TCL1B: variants seen among roughly 807,000 people sequenced by gnomAD.
TCL1B encodes TCL1 family AKT coactivator B, also known as T-cell leukemia/lymphoma protein 1B.
Under a neutral mutation model 16.9 loss-of-function variants are expected in TCL1B, and 14 were observed. The observed-to-expected ratio is 0.83, with a 90% CI of 0.55 to 1.30. The LOEUF is 1.30. TCL1B is among the 50% of genes most tolerant of loss of function. TCL1B has a pLI of 0.00. For synonymous variants in TCL1B, 79 were observed against 66.6 expected (o/e 1.19, Z -0.91); for missense variants, 166 against 165.2 (o/e 1.00, Z -0.03).
chr14:95,691,559 A>C, intron 3 of TCL1B: 1 of 465,318 alleles, frequency 2.1e-6, no homozygotes, highest in Non-Finnish European at 3.9e-6. Context: ...ATCGAATAAG[A>C]CTCATCATTT....
chr14:95,686,780 C>A, intron 1 of TCL1B, 151 bp downstream of exon 1: 1 of 945,290 alleles, frequency 1.1e-6, no homozygotes, highest in Non-Finnish European at 1.5e-6. Flanking sequence ...ATGTCCATGC[C>A]CAGCCCTGGC....
At position 95,692,113 on chromosome 14, in the gene TCL1B, C is replaced by G. The variant is rs1372371146; in HGVS notation, c.*198C>G. On this transcript the variant is annotated 3_prime_UTR_variant, in exon 4 of 4. Coordinates refer to ENST00000340722, the MANE Select transcript of TCL1B (RefSeq NM_004918.4). Reference sequence around the variant, plus strand: ...GTTATCAGTCCTGTCCTGTCCCACTCAGGTCTGTACTTAGGGCAGCTGGCC... The same window carrying G: ...GTTATCAGTCCTGTCCTGTCCCACTGAGGTCTGTACTTAGGGCAGCTGGCC... 1 of 152,374 alleles carries G rather than the reference C, an allele frequency of 6.6e-6. No homozygotes were observed. Among genetic ancestry groups the G allele is most frequent in the East Asian group, 1.9e-4 (1 of 5,198 alleles). 9.4% of individuals were successfully genotyped at this position (152,374 alleles called of 1,614,324 possible). A position where few individuals can be genotyped will look rare whatever the true frequency, so the allele number is the denominator to read the frequency against.
At chr14:95,686,774 C>T (rs1885771261) in intron 1 of TCL1B, 145 bp downstream of exon 1, 1 of 1,004,198 alleles carries the variant, frequency 1.0e-6, no homozygotes, top group African/African-American at 1.6e-5. Context: ...GCAGCAATGT[C>T]CATGCCCAGC....
intron 1 of TCL1B, among the ~76,000 whole-genome samples, chr14:95,687,728 T>G (rs1219760825): frequency 1.3e-5 from 2 of 151,918 alleles, no homozygotes; most frequent in African/African-American, 2.4e-5. Context: ...CGAGATGGGC[T>G]TATCACGAGA....
At chr14:95,689,740 G>A (rs567876254) in intron 1 of TCL1B, among the ~76,000 whole-genome samples, 188 of 152,262 alleles carry the variant, frequency 1.2e-3, no homozygotes, top group South Asian at 2.1e-4. Flanking sequence ...AGATTTTGCC[G>A]TATAATTTAA....
At chr14:95,689,621 G>C (rs72696999) in intron 1 of TCL1B, among the ~76,000 whole-genome samples, 45,839 of 152,186 alleles carry the variant, frequency 0.3, 7,306 homozygotes, top group Non-Finnish European at 0.36. Flanking sequence ...AAAGGAATGA[G>C]GGAAGGAGCC....
intron 1 of TCL1B, among the ~76,000 whole-genome samples, chr14:95,687,988 A>T (rs2139703709): frequency 6.8e-6 from 1 of 148,092 alleles, no homozygotes; most frequent in East Asian, 2.0e-4. Flanking sequence ...AGGTCTTCGT[A>T]AACAATTCAC....
At chr14:95,687,796 CA>C (rs1483311145) in intron 1 of TCL1B, among the ~76,000 whole-genome samples, 1 of 151,766 alleles carries the variant, frequency 6.6e-6, no homozygotes, top group East Asian at 2.0e-4. Flanking sequence ...ACTAAAAATA[CA>C]AAAAATTAGC....
chr14:95,687,317 G>A (rs1374801039), intron 1 of TCL1B, among the ~76,000 whole-genome samples: 1 of 152,166 alleles, frequency 6.6e-6, no homozygotes, highest in Non-Finnish European at 1.5e-5. Context: ...AGTCTTTGAG[G>A]GATGAAGTAA....
chr14:95,691,203 C>T (rs1046580527), intron 2 of TCL1B, 65 bp from the exon 3 acceptor site: 74 of 1,560,596 alleles, frequency 4.7e-5, no homozygotes, highest in Admixed American at 4.1e-4. Context: ...CCTGCATGGG[C>T]GGCCGTTAAG....
chr14:95,689,712 G>A (rs1407638489), intron 1 of TCL1B, among the ~76,000 whole-genome samples: 2 of 152,210 alleles, frequency 1.3e-5, no homozygotes, highest in Non-Finnish European at 2.9e-5. Flanking sequence ...TCTACAGTCA[G>A]AATACACAGA....
Position 95,692,536 on chromosome 14 carries a change from T to G in TCL1B, c.*621T>G, listed in dbSNP as rs1885908774. ...TGGAGGGATGGGTTTGGCCTGTGCT[T>G]CTGCTTATTCAGTCCTTCAGCTCAC... On this transcript the variant is annotated 3_prime_UTR_variant, in exon 4 of 4. Transcript: ENST00000340722. 6.6e-6 allele frequency: 1 copy of G among 152,282 alleles called. No homozygotes were observed. The highest frequency in any genetic ancestry group is 2.4e-5 in the African/African-American group (1 of 41,446). 9.4% of individuals were successfully genotyped at this position (152,282 alleles called of 1,614,324 possible). A position where few individuals can be genotyped will look rare whatever the true frequency, so the allele number is the denominator to read the frequency against.
Position 95,692,566 on chromosome 14 carries a change from G to A in TCL1B, c.*651G>A, listed in dbSNP as rs1167029193. On this transcript the variant is annotated 3_prime_UTR_variant, in exon 4 of 4. Transcript: ENST00000340722. ...TTATTCAGTCCTTCAGCTCACGGAA[G>A]GGATGCTAGTCCGTGAAGGTGACCT... is the stretch of plus-strand genomic sequence containing the variant. 6.6e-6 allele frequency: 1 copy of A among 152,302 alleles called. No individual in the cohort carries two copies. Among genetic ancestry groups the A allele is most frequent in the Non-Finnish European group, 1.5e-5 (1 of 68,102 alleles). The allele number at this position is 152,302 out of a possible 1,614,324, so 9.4% of individuals were successfully genotyped here.
At position 95,686,572 on chromosome 14, in the gene TCL1B, G is replaced by A; in HGVS notation, c.105G>A (p.Val35=). The A allele has an allele frequency of 6.2e-7, 1 of 1,613,960 alleles. No individual in the cohort carries two copies. The highest frequency in any genetic ancestry group is 1.7e-5 in the Admixed American group (1 of 60,012). ...AGGAGGGGAGAACCTGGGTGACTGT[G>A]GTCGTGCGGTTCAATCCCTCGCGTA... The part of the protein sequence containing the change: ...EDEEGRTWVT[V]VVRFNPSRRE... The change falls in exon 1 of 4, where the codon GTG becomes GTA. Residue 35 remains valine, a synonymous_variant. Transcript: ENST00000340722.
At chr14:95,690,436 G>A (rs1885854413) in intron 1 of TCL1B, among the ~76,000 whole-genome samples, 1 of 151,992 alleles carries the variant, frequency 6.6e-6, no homozygotes, top group Non-Finnish European at 1.5e-5. Flanking sequence ...AAAAAATTAC[G>A]GCAATGGCAG....
intron 1 of TCL1B, among the ~76,000 whole-genome samples, chr14:95,688,592 G>A (rs571067379): frequency 2.6e-5 from 4 of 152,272 alleles, no homozygotes; most frequent in South Asian, 4.1e-4. Context: ...CTCTGAAGCC[G>A]GAACTTAAGC....
At chr14:95,690,039 G>A (rs1383995507) in intron 1 of TCL1B, among the ~76,000 whole-genome samples, 1 of 152,082 alleles carries the variant, frequency 6.6e-6, no homozygotes, top group Non-Finnish European at 1.5e-5. Flanking sequence ...GTCTTGCTCT[G>A]TCTCCCAGGC....
Position 95,687,009 on chromosome 14 carries a change from A to G in TCL1B, c.162+380A>G, listed in dbSNP as rs187984998. On this transcript the variant is annotated intron_variant, in intron 1 of 3. Transcript: ENST00000340722. Reference sequence around the variant, plus strand: ...AAAGGAGGCAGGAGTAGTATAAGCAAAAGCATTGCAGCCTGGAGGCACCAG... The same window carrying G: ...AAAGGAGGCAGGAGTAGTATAAGCAGAAGCATTGCAGCCTGGAGGCACCAG... 1.7e-3 allele frequency among the ~76,000 whole-genome samples: 260 copies of G among 152,296 alleles called. 2 individuals carry two copies. The highest frequency in any genetic ancestry group is 2.6e-4 in the Non-Finnish European group (18 of 68,024).
In TCL1B at chr14:95,691,310, A is replaced by C; in HGVS notation, c.376A>C (p.Arg126=). 1 of 1,613,608 alleles carries C rather than the reference A, an allele frequency of 6.2e-7. No homozygotes were observed. Among genetic ancestry groups the C allele is most frequent in the East Asian group, 2.2e-5 (1 of 44,862 alleles). The change falls in exon 3 of 4, where the codon AGG becomes CGG. Residue 126 remains arginine (R), a synonymous_variant. Transcript: ENST00000340722. ...EQLVLTYQPE[R]KD ...GCTGGTCCTAACATATCAGCCGGAG[A>C]GGAAAGACTGACACTGGGAGTGGCT... is the stretch of plus-strand genomic sequence containing the variant.
Sources: gnomAD v4.1 joint callset for allele counts (sites outside exome capture counted in the v4.1 genomes callset) on GRCh38, gnomAD v4.1.1 for gene constraint, MANE v1.5 for transcripts, NCBI Gene and HGNC (gene_info 2026-07-23, HGNC 2026-07-21) for gene names.